PPIP5K1: variants seen among roughly 807,000 people sequenced by gnomAD.
The protein encoded by PPIP5K1 is inositol hexakisphosphate and diphosphoinositol-pentakisphosphate kinase 1.
In PPIP5K1, 6 loss-of-function variants were observed where a neutral mutation model predicts 27.7. The ratio of observed to expected loss-of-function variants is 0.22; its 90% CI spans 0.12 to 0.43. The LOEUF is 0.43. PPIP5K1 is among the 20% of genes least tolerant of loss of function. The pLI is 1.00. For synonymous variants in PPIP5K1, 145 were observed against 242.6 expected (o/e 0.60, Z 3.74); for missense variants, 394 against 635.4 (o/e 0.62, Z 4.08).
At chr15:43,553,981 A>G (rs2082596088) in intron 30 of PPIP5K1, among the ~76,000 whole-genome samples, 2 of 152,050 alleles carry the variant, frequency 1.3e-5, no homozygotes, top group African/African-American at 4.8e-5. Flanking sequence ...TGTTCTGTCC[A>G]TTATTAAAAG....
intron 30 of PPIP5K1, among the ~76,000 whole-genome samples, chr15:43,551,019 C>T (rs1416488638): frequency 6.6e-6 from 1 of 152,126 alleles, no homozygotes; most frequent in Admixed American, 6.6e-5. Context: ...TTGTTCGGGA[C>T]TTTTGCCTCT....
chr15:43,583,378 TC>T, intron 4 of PPIP5K1, 25 bp downstream of exon 4: 1 of 344,676 alleles, frequency 2.9e-6, no homozygotes, highest in Non-Finnish European at 4.6e-6. Flanking sequence ...CACCATTCCC[TC>T]CCATTTTCCT....
At chr15:43,546,438 A>T (rs892546399) in intron 30 of PPIP5K1, among the ~76,000 whole-genome samples, 4 of 152,158 alleles carry the variant, frequency 2.6e-5, no homozygotes, top group Non-Finnish European at 5.9e-5. Context: ...CTAAGACTAC[A>T]GGTGCACACC....
At chr15:43,586,539 TA>T (rs2085302361) in intron 1 of PPIP5K1, among the ~76,000 whole-genome samples, 1 of 16,696 alleles carries the variant, frequency 6.0e-5, no homozygotes, top group Non-Finnish European at 1.2e-4. Context: ...AAAAAGTTTT[TA>T]AAAATTAGCC....
At chr15:43,541,044 C>G (rs1265230798) in intron 30 of PPIP5K1, among the ~76,000 whole-genome samples, 1 of 152,140 alleles carries the variant, frequency 6.6e-6, no homozygotes, top group Non-Finnish European at 1.5e-5. Flanking sequence ...AGCATCCAAA[C>G]ATGAACCATG....
At chr15:43,555,404 T>C (rs1452639055) in intron 30 of PPIP5K1, among the ~76,000 whole-genome samples, 1 of 151,462 alleles carries the variant, frequency 6.6e-6, no homozygotes, top group African/African-American at 2.4e-5. Flanking sequence ...GCCTCCCAAA[T>C]AGCTGGGACC....
At chr15:43,545,737 A>T (rs2081294378) in intron 30 of PPIP5K1, among the ~76,000 whole-genome samples, 1 of 151,634 alleles carries the variant, frequency 6.6e-6, no homozygotes, top group African/African-American at 2.4e-5. Context: ...TACCACTAAC[A>T]CCCTGCTTAC....
rs1264377531 is a variant in PPIP5K1 at position 43,534,774 on chromosome 15, T to C, written c.4373A>G (p.Asn1458Ser). The C allele has an allele frequency of 8.2e-6, 13 of 1,576,088 alleles. No homozygotes were observed. Among genetic ancestry groups the C allele is most frequent in the Non-Finnish European group, 9.5e-6 (11 of 1,162,822 alleles). Reference sequence around the variant, plus strand: ...CTCAGGGATGCCCTGAGATAACAGATTGATCGCAGAAGTCTCCTGGGCCAG... The same window carrying C: ...CTCAGGGATGCCCTGAGATAACAGACTGATCGCAGAAGTCTCCTGGGCCAG... The part of the protein sequence containing the change: ...GRLAQETSAI[N>S]LLSQGIPEID... The change falls in exon 32 of 32, where the codon AAT becomes AGT. Residue 1458 changes from asparagine to serine, a missense_variant. Asn to Ser is a conservative substitution (Grantham distance 46). This residue lies in a region of PPIP5K1 where 379 missense variants were observed against 423.9 expected (regional missense o/e 0.89). Transcript: ENST00000420765.
rs193266747 is a variant in PPIP5K1 at position 43,547,850 on chromosome 15, T to C, written c.3557-8267A>G. ...GTTCAGGCCCTCTTACAGTTCCCTA[T>C]GAATTAGAGGAGTCAGCTTTTCCAT... On this transcript the variant is annotated intron_variant, in intron 30 of 31. Transcript: ENST00000420765. 4.1e-3 allele frequency among the ~76,000 whole-genome samples: 624 copies of C among 152,326 alleles called. 5 individuals are homozygous for C. The highest frequency in any genetic ancestry group is 0.014 in the African/African-American group (580 of 41,562).
intron 31 of PPIP5K1, among the ~76,000 whole-genome samples, chr15:43,537,785 T>G (rs1192090614): frequency 6.7e-6 from 1 of 149,562 alleles, no homozygotes; most frequent in South Asian, 2.1e-4. Context: ...CTATTTCTGA[T>G]GCAGACATAC....
In PPIP5K1 at chr15:43,533,706, A is replaced by G. The variant is rs1360796837; in HGVS notation, c.*968T>C. On this transcript the variant is annotated 3_prime_UTR_variant, in exon 32 of 32. Transcript: ENST00000420765. ...CACAACTACAGAAATAAATATATAT[A>G]TATATATTTATTAAACCTTTGCTTG... 1 of 151,788 alleles carries G rather than the reference A, an allele frequency of 6.6e-6. No homozygotes were observed. Among genetic ancestry groups the G allele is most frequent in the African/African-American group, 2.4e-5 (1 of 41,322 alleles). 9.4% of individuals were successfully genotyped at this position (151,788 alleles called of 1,614,324 possible).
Position 43,534,553 on chromosome 15 carries a change from G to A in PPIP5K1, c.*121C>T. The A allele has an allele frequency of 1.2e-6, 1 of 814,160 alleles. No individual in the cohort carries two copies. Among genetic ancestry groups the A allele is most frequent in the Non-Finnish European group, 1.9e-6 (1 of 527,650 alleles). 50.4% of individuals were successfully genotyped at this position (814,160 alleles called of 1,614,324 possible). ...TAATCACATGTTGCTGGTGGAAGGG[G>A]TGAGTGCTGGTCATGGGCTAGAGAC... On this transcript the variant is annotated 3_prime_UTR_variant, in exon 32 of 32. Transcript: ENST00000420765.
At position 43,536,128 on chromosome 15, in the gene PPIP5K1, G is replaced by T. The variant is rs747958166; in HGVS notation, c.3671-652C>A. ...AAATCAGAACAATAGGAAAGAAAATGGTTTACCTGGCTGGGTGCGGTGGCT... is the reference window on the plus strand; with the variant it reads ...AAATCAGAACAATAGGAAAGAAAATTGTTTACCTGGCTGGGTGCGGTGGCT... On this transcript the variant is annotated intron_variant, in intron 31 of 31. Coordinates refer to ENST00000420765, the MANE Select transcript of PPIP5K1 (RefSeq NM_001394395.1). The T allele has an allele frequency of 2.0e-5, 26 of 1,285,358 alleles. No individual in the cohort carries two copies. In the African/African-American group the frequency reaches 3.5e-4, roughly 17 times the overall value. 79.6% of individuals were successfully genotyped at this position (1,285,358 alleles called of 1,614,324 possible).
Position 43,554,881 on chromosome 15 carries a change from G to A in PPIP5K1, c.3556+3914C>T, listed in dbSNP as rs569283903. 4.0e-5 allele frequency among the ~76,000 whole-genome samples: 6 copies of A among 151,138 alleles called. No individual in the cohort carries two copies. In the South Asian group the frequency reaches 1.3e-3, roughly 32 times the overall value. ...ATGGAGTTTCTCTCTTGCCATCTAC[G>A]CTGGAGGCCAGTAGCACGATCTTGG... On this transcript the variant is annotated intron_variant, in intron 30 of 31. Transcript: ENST00000420765.
chr15:43,565,628 C>CA (rs1255994416), intron 26 of PPIP5K1, among the ~76,000 whole-genome samples: 5 of 132,306 alleles, frequency 3.8e-5, no homozygotes, highest in South Asian at 2.7e-4. Flanking sequence ...TAGCTCACTG[C>CA]AGCCTTGGTC....
In PPIP5K1 at chr15:43,555,757, C is replaced by T. The variant is rs191024748; in HGVS notation, c.3556+3038G>A. Among the ~76,000 whole-genome samples, 456 of 152,134 alleles carry T rather than the reference C, an allele frequency of 3.0e-3. 2 individuals are homozygous for T. The highest frequency in any genetic ancestry group is 0.01 in the Middle Eastern group (3 of 294). ...AGTAGCTGGGACTACAGGTGCATGC[C>T]ACCATGCCCGGCTAATTTTTTGTAT... On this transcript the variant is annotated intron_variant, in intron 30 of 31. Coordinates refer to ENST00000420765, the MANE Select transcript of PPIP5K1 (RefSeq NM_001394395.1).
intron 30 of PPIP5K1, among the ~76,000 whole-genome samples, chr15:43,552,528 TAAAAAAAAA>T (rs535937209): frequency 1.4e-5 from 1 of 69,430 alleles, no homozygotes; most frequent in East Asian, 3.7e-4. Context: ...TCTGTCTCTA[TAAAAAAAAA>T]AAAAAAAAGA....
In PPIP5K1 at chr15:43,534,574, G is replaced by C. The variant is rs781026079; in HGVS notation, c.*100C>G. On this transcript the variant is annotated 3_prime_UTR_variant, in exon 32 of 32. Coordinates refer to ENST00000420765, the MANE Select transcript of PPIP5K1 (RefSeq NM_001394395.1). ...AGGGGTGAGTGCTGGTCATGGGCTA[G>C]AGACTGGCTCTGAGGGTTTGGATCA... is the stretch of plus-strand genomic sequence containing the variant. The C allele has an allele frequency of 9.2e-7, 1 of 1,082,026 alleles. No individual in the cohort carries two copies. Among genetic ancestry groups the C allele is most frequent in the Admixed American group, 2.5e-5 (1 of 40,044 alleles). The allele number at this position is 1,082,026 out of a possible 1,614,324, so 67.0% of individuals were successfully genotyped here. A position where few individuals can be genotyped will look rare whatever the true frequency, so the allele number is the denominator to read the frequency against.
rs139902732 is a variant in PPIP5K1 at position 43,536,803 on chromosome 15, G to T, written c.3671-1327C>A. On this transcript the variant is annotated intron_variant, in intron 31 of 31. Transcript: ENST00000420765. ...GATGATTCCTACTCCATCCTCTACT[G>T]CTTCATCGCCCTCTAGTACTTGACT... is the stretch of plus-strand genomic sequence containing the variant. 2.2e-4 allele frequency among the ~76,000 whole-genome samples: 34 copies of T among 152,258 alleles called. No individual in the cohort carries two copies. The East Asian group carries it at 6.6e-3, about 29-fold the overall frequency.
Sources: allele counts gnomAD v4.1 joint callset (sites outside exome capture counted in the v4.1 genomes callset), GRCh38; gene constraint gnomAD v4.1.1; regional missense constraint gnomAD v4.1.1; transcripts MANE v1.5; gene names NCBI Gene and HGNC (gene_info 2026-07-23, HGNC 2026-07-21).